Variants in RPP40 observed in about 807,000 individuals in gnomAD.
RPP40 encodes ribonuclease P/MRP subunit p40.
Under a neutral mutation model 42.5 loss-of-function variants are expected in RPP40, and 30 were observed. The observed-to-expected ratio is 0.71, with a 90% CI of 0.53 to 0.96. The LOEUF (loss-of-function observed/expected upper bound fraction) is 0.96. Among genes scored for constraint, RPP40 ranks in the 40% least tolerant of loss-of-function variants. The pLI, the probability that RPP40 is intolerant of heterozygous loss-of-function variation, is 0.00. For synonymous variants in RPP40, 173 were observed against 164.0 expected (o/e 1.05, Z -0.42); for missense variants, 426 against 433.5 (o/e 0.98, Z 0.15).
intron 1 of RPP40, among the ~76,000 whole-genome samples, chr6:5,002,742 C>T (rs1201349296): frequency 6.6e-6 from 1 of 152,156 alleles, no homozygotes; most frequent in Non-Finnish European, 1.5e-5. Flanking sequence ...ATTTTCGAGA[C>T]AGAAAAATGC....
In RPP40 at chr6:5,002,173, A is replaced by C. The variant is rs1337478458; in HGVS notation, c.196T>G (p.Tyr66Asp). The C allele has an allele frequency of 1.6e-5, 25 of 1,611,230 alleles. No individual in the cohort carries two copies. The highest frequency in any genetic ancestry group is 2.0e-5 in the Non-Finnish European group (24 of 1,177,416). The change falls in exon 2 of 8, where the codon TAT becomes GAT. Residue 66 changes from tyrosine (Y) to aspartate (D), a missense_variant. Transcript: ENST00000380051. ...LKNLVMNTGPYYFVKNLPLHE... is the reference protein window; with the variant it reads ...LKNLVMNTGPDYFVKNLPLHE... ...AGAGGTAAATTCTTCACAAAGTAAT[A>C]GGGTCCAGTGTTCATGACCAGGTTT... is the stretch of plus-strand genomic sequence containing the variant.
intron 5 of RPP40, 94 bp downstream of exon 5, chr6:4,998,617 TGACTA>T: frequency 1.3e-6 from 1 of 790,662 alleles, no homozygotes; most frequent in Non-Finnish European, 2.0e-6. Context: ...GAATATTCCT[TGACTA>T]AAGAGTGAAT....
chr6:5,003,345 T>A (rs575777634), intron 1 of RPP40, among the ~76,000 whole-genome samples: 52 of 76,552 alleles, frequency 6.8e-4, no homozygotes, highest in East Asian at 7.8e-4. Flanking sequence ...AAACTCCGTC[T>A]AAAAAAAAAA....
chr6:5,000,560 T>TA lies in RPP40; in HGVS notation c.337+2dup. 2 of 1,465,812 alleles carry TA rather than the reference T, an allele frequency of 1.4e-6. No individual in the cohort carries two copies. The highest frequency in any genetic ancestry group is 1.9e-6 in the Non-Finnish European group (2 of 1,052,226). The allele number at this position is 1,465,812 out of a possible 1,614,324, so 90.8% of individuals were successfully genotyped here. ...AAAGAAAGATGAAAAAATAAAGTGT[T>TA]ACCATTTGGTAGCAGGGCAACAGTA... On this transcript the variant is annotated splice_region_variant and intron_variant, in intron 3 of 7. Coordinates refer to ENST00000380051, the MANE Select transcript of RPP40 (RefSeq NM_006638.4).
chr6:5,001,151 C>T (rs529540747), intron 2 of RPP40: 29 of 456,742 alleles, frequency 6.3e-5, no homozygotes, highest in African/African-American at 4.4e-4. Context: ...ATACACCTCT[C>T]AGAGACAGAG....
intron 5 of RPP40, among the ~76,000 whole-genome samples, chr6:4,997,178 T>A (rs1181999147): frequency 6.6e-6 from 1 of 152,224 alleles, no homozygotes; most frequent in Non-Finnish European, 1.5e-5. Context: ...TCAACCTGAC[T>A]GGATGAAGGG....
chr6:5,001,401 G>A (rs973432508), intron 2 of RPP40, among the ~76,000 whole-genome samples: 1 of 152,180 alleles, frequency 6.6e-6, no homozygotes, highest in Non-Finnish European at 1.5e-5. Flanking sequence ...AGTCGCCCCA[G>A]CAGTGTCAGA....
chr6:4,991,161 C>T (rs746373981), downstream of RPP40, among the ~76,000 whole-genome samples: 5 of 152,018 alleles, frequency 3.3e-5, no homozygotes, highest in Non-Finnish European at 2.9e-5. Flanking sequence ...CCACTTTGAC[C>T]TTTATTATTC....
downstream of RPP40, among the ~76,000 whole-genome samples, chr6:4,993,969 G>A (rs928544766): frequency 1.3e-5 from 2 of 152,008 alleles, no homozygotes; most frequent in African/African-American, 2.4e-5. Flanking sequence ...CCCAGGCTAT[G>A]AGAAGAAAAC....
At chr6:4,997,236 G>T (rs552542810) in intron 5 of RPP40, among the ~76,000 whole-genome samples, 1 of 152,362 alleles carries the variant, frequency 6.6e-6, no homozygotes, top group Admixed American at 6.5e-5. Flanking sequence ...GTCTGTGAGG[G>T]TGTTTCTGGA....
chr6:4,996,180 C>G, intron 6 of RPP40, 42 bp downstream of exon 6: 1 of 1,606,424 alleles, frequency 6.2e-7, no homozygotes, highest in Non-Finnish European at 8.5e-7. Context: ...AAACAAGCAG[C>G]AGGCCAGAGC....
Position 5,002,159 on chromosome 6 carries a change from C to A in RPP40, c.210G>T (p.Lys70Asn), listed in dbSNP as rs776964397. 17 of 1,612,108 alleles carry A rather than the reference C, an allele frequency of 1.1e-5. No homozygotes were observed. Among genetic ancestry groups the A allele is most frequent in the Middle Eastern group, 1.6e-4 (1 of 6,082 alleles). ...VMNTGPYYFVKNLPLHELITP... is the reference protein window; with the variant it reads ...VMNTGPYYFVNNLPLHELITP... ...TAATTAATTCATGAAGAGGTAAATTCTTCACAAAGTAATAGGGTCCAGTGT... is the reference window on the plus strand; with the variant it reads ...TAATTAATTCATGAAGAGGTAAATTATTCACAAAGTAATAGGGTCCAGTGT... The change falls in exon 2 of 8, where the codon AAG becomes AAT. Residue 70 changes from lysine to asparagine, a missense_variant. Transcript: ENST00000380051.
At chr6:4,991,525 G>A (rs922254153), downstream of RPP40, among the ~76,000 whole-genome samples, 1 of 151,994 alleles carries the variant, frequency 6.6e-6, no homozygotes, top group Non-Finnish European at 1.5e-5. Flanking sequence ...ATGTCAATCG[G>A]GTCAAGTTGA....
downstream of RPP40, among the ~76,000 whole-genome samples, chr6:4,994,294 T>C (rs1040987234): frequency 6.0e-5 from 9 of 151,108 alleles, no homozygotes; most frequent in African/African-American, 1.2e-4. Flanking sequence ...ATACCTAATG[T>C]TAAATGATGA....
chr6:5,003,708 G>T, intron 1 of RPP40, 172 bp downstream of exon 1: 3 of 772,160 alleles, frequency 3.9e-6, no homozygotes, highest in Non-Finnish European at 5.8e-6. Context: ...AGCCCTGCAA[G>T]CCACTGGCTT....
chr6:5,000,896 A>ATGCAGAAGACCAAGCG (rs1759534964), intron 2 of RPP40, among the ~76,000 whole-genome samples: 1 of 150,658 alleles, frequency 6.6e-6, no homozygotes, highest in Admixed American at 6.6e-5. Context: ...AAGACCAAGC[A>ATGCAGAAGACCAAGCG]TGCAGAAGAC....
At chr6:4,995,526 A>C (rs1027318559) in intron 7 of RPP40, among the ~76,000 whole-genome samples, 1 of 152,210 alleles carries the variant, frequency 6.6e-6, no homozygotes, top group Admixed American at 6.5e-5. Context: ...GGAGGTCTTT[A>C]AGACAAAAAG....
At chr6:4,990,113 C>G (rs986327875), downstream of RPP40, among the ~76,000 whole-genome samples, 1 of 152,144 alleles carries the variant, frequency 6.6e-6, no homozygotes, top group Non-Finnish European at 1.5e-5. Context: ...GTTGTTTATT[C>G]CTAACCTTCT....
chr6:4,993,399 A>G (rs1244163765), downstream of RPP40, among the ~76,000 whole-genome samples: 1 of 152,150 alleles, frequency 6.6e-6, no homozygotes, highest in Non-Finnish European at 1.5e-5. Context: ...TCTTATACTC[A>G]TGCCATTTAA....
Sources: gnomAD v4.1 joint callset for allele counts (sites outside exome capture counted in the v4.1 genomes callset) on GRCh38, gnomAD v4.1.1 for gene constraint, MANE v1.5 for transcripts, NCBI Gene and HGNC (gene_info 2026-07-23, HGNC 2026-07-21) for gene names.